Variants in PLXNA4 observed in about 807,000 individuals in gnomAD.
PLXNA4 encodes the protein plexin-A4.
Under a neutral mutation model 191.8 loss-of-function variants are expected in PLXNA4, and 44 were observed. The ratio of observed to expected loss-of-function variants is 0.23; its 90% CI spans 0.18 to 0.29. The LOEUF (loss-of-function observed/expected upper bound fraction) is 0.29. Ranked by LOEUF, PLXNA4 falls within the 10% of genes least tolerant of loss-of-function variation. The pLI is 1.00. For synonymous variants in PLXNA4, 1,082 were observed against 1,009.5 expected (o/e 1.07, Z -1.36); for missense variants, 1,800 against 2,488.8 (o/e 0.72, Z 5.89).
At chr7:132,380,656 T>C (rs1295925320) in intron 3 of PLXNA4, among the ~76,000 whole-genome samples, 2 of 152,036 alleles carry the variant, frequency 1.3e-5, no homozygotes, top group Admixed American at 1.3e-4. Context: ...ATTTAAAGTA[T>C]CAGGAGCAGG....
At chr7:132,562,895 T>C (rs1174098073) in intron 1 of PLXNA4, among the ~76,000 whole-genome samples, 128 of 23,602 alleles carry the variant, frequency 5.4e-3, no homozygotes, top group Non-Finnish European at 6.5e-3. Context: ...TCTGCCTCCT[T>C]CTCCCCCTCC....
chr7:132,589,191 G>A (rs1802561430), intron 2 of PLXNA4, among the ~76,000 whole-genome samples: 1 of 152,064 alleles, frequency 6.6e-6, no homozygotes, highest in Non-Finnish European at 1.5e-5. Context: ...GGTGAGTAGG[G>A]GACAAAACGG....
intron 13 of PLXNA4, among the ~76,000 whole-genome samples, chr7:132,198,115 G>C (rs1466444131): frequency 6.6e-6 from 1 of 152,196 alleles, no homozygotes; most frequent in African/African-American, 2.4e-5. Flanking sequence ...AGTAGCACAG[G>C]ATCAGTGCTG....
intron 1 of PLXNA4, among the ~76,000 whole-genome samples, chr7:132,549,916 TAG>T (rs1800483380): frequency 6.6e-6 from 1 of 151,610 alleles, no homozygotes; most frequent in Non-Finnish European, 1.5e-5. Flanking sequence ...TAGAGAGAGG[TAG>T]AGTTATAGTT....
chr7:132,528,447 G>A (rs1304859802), intron 1 of PLXNA4, among the ~76,000 whole-genome samples: 2 of 152,172 alleles, frequency 1.3e-5, no homozygotes, highest in Non-Finnish European at 1.5e-5. Flanking sequence ...AGCCATGATT[G>A]GAATAAGCCA....
At chr7:132,347,894 C>A (rs771831479) in intron 3 of PLXNA4, among the ~76,000 whole-genome samples, 7 of 152,184 alleles carry the variant, frequency 4.6e-5, no homozygotes, top group African/African-American at 1.2e-4. Context: ...CCAGCGTGTT[C>A]ATTGTAACCA....
At chr7:132,267,326 A>G (rs574044949) in intron 4 of PLXNA4, among the ~76,000 whole-genome samples, 20 of 152,326 alleles carry the variant, frequency 1.3e-4, no homozygotes, top group African/African-American at 4.6e-4. Flanking sequence ...TCTCTAGTCA[A>G]CAACCATTTC....
At chr7:132,438,887 A>G (rs1167973247) in intron 3 of PLXNA4, among the ~76,000 whole-genome samples, 1 of 152,222 alleles carries the variant, frequency 6.6e-6, no homozygotes, top group Non-Finnish European at 1.5e-5. Context: ...ACAGTAAGTC[A>G]TCGATGGACT....
intron 3 of PLXNA4, among the ~76,000 whole-genome samples, chr7:132,458,077 T>C (rs754368202): frequency 2.0e-5 from 3 of 152,288 alleles, no homozygotes; most frequent in Non-Finnish European, 4.4e-5. Flanking sequence ...TCATTTAGAA[T>C]AGTGGGCACT....
intron 3 of PLXNA4, among the ~76,000 whole-genome samples, chr7:132,376,852 T>C (rs894570906): frequency 2.6e-5 from 4 of 152,196 alleles, no homozygotes; most frequent in African/African-American, 9.6e-5. Context: ...CTTGATCCTC[T>C]CTGTCTTCCC....
At chr7:132,193,539 T>C (rs1049982708) in intron 14 of PLXNA4, among the ~76,000 whole-genome samples, 3 of 152,220 alleles carry the variant, frequency 2.0e-5, no homozygotes, top group Non-Finnish European at 4.4e-5. Flanking sequence ...GAAGCAATGG[T>C]GGCAACCACA....
intron 25 of PLXNA4, among the ~76,000 whole-genome samples, chr7:132,156,022 C>T (rs955332271): frequency 6.6e-6 from 1 of 152,032 alleles, no homozygotes; most frequent in Non-Finnish European, 1.5e-5. Context: ...ATGTTGCCTC[C>T]TCCCTGGGTC....
chr7:132,322,651 G>A (rs1444479605), intron 3 of PLXNA4, among the ~76,000 whole-genome samples: 4 of 152,176 alleles, frequency 2.6e-5, no homozygotes, highest in Non-Finnish European at 5.9e-5. Context: ...AAAGCACCTG[G>A]CCACATAGGT....
chr7:132,135,397 T>C (rs181176598), intron 30 of PLXNA4, among the ~76,000 whole-genome samples: 89 of 152,298 alleles, frequency 5.8e-4, no homozygotes, highest in African/African-American at 2.0e-3. Context: ...CAAAGACTCC[T>C]GTAATTTCTC....
intron 3 of PLXNA4, among the ~76,000 whole-genome samples, chr7:132,301,838 CTG>C (rs1801317059): frequency 6.6e-6 from 1 of 152,178 alleles, no homozygotes; most frequent in Non-Finnish European, 1.5e-5. Flanking sequence ...TTAAATAACA[CTG>C]TCTCAGCTGA....
intron 2 of PLXNA4, among the ~76,000 whole-genome samples, chr7:132,502,737 C>G (rs1041985269): frequency 1.3e-5 from 2 of 152,168 alleles, no homozygotes; most frequent in Non-Finnish European, 2.9e-5. Context: ...TTGTGTTCCT[C>G]CATTCCCTCA....
chr7:132,508,040 G>A lies in PLXNA4; in HGVS notation c.654C>T (p.Phe218=). 6.2e-7 allele frequency: 1 copy of A among 1,614,232 alleles called. No homozygotes were observed. Among genetic ancestry groups the A allele is most frequent in the African/African-American group, 1.3e-5 (1 of 75,054 alleles). The change falls in exon 2 of 32, where the codon TTC becomes TTT. Residue 218 remains phenylalanine, a synonymous_variant. Coordinates refer to ENST00000321063, the MANE Select transcript of PLXNA4 (RefSeq NM_020911.2). This position sits in a 1 kb window ranked among gnomAD's most constrained non-coding sequence, Gnocchi z 4.4. The part of the protein sequence containing the change: ...SEADGMFAYV[F]HDEFVASMIK... ...TCATCGAGGCCACGAACTCATCATGGAAGACGTACGCGAACATGCCATCCG... is the reference window on the plus strand; with the variant it reads ...TCATCGAGGCCACGAACTCATCATGAAAGACGTACGCGAACATGCCATCCG...
At chr7:132,322,355 G>A (rs191243401) in intron 3 of PLXNA4, among the ~76,000 whole-genome samples, 1 of 152,144 alleles carries the variant, frequency 6.6e-6, no homozygotes, top group East Asian at 1.9e-4. Context: ...CTAATTTTTT[G>A]TATTTTTGGT....
chr7:132,244,002 T>A lies in PLXNA4; in HGVS notation c.1504-2836A>T, dbSNP rs183729969. Among the ~76,000 whole-genome samples the A allele has an allele frequency of 2.5e-4, 38 of 152,284 alleles. No homozygotes were observed. In the East Asian group the frequency reaches 6.8e-3, roughly 27 times the overall value. Reference sequence around the variant, plus strand: ...ACACTTTGGATGAAACCTGGAGTTATCTCATTTCCAGGACTTATTCACTAT... The same window carrying A: ...ACACTTTGGATGAAACCTGGAGTTAACTCATTTCCAGGACTTATTCACTAT... On this transcript the variant is annotated intron_variant, in intron 4 of 31. Transcript: ENST00000321063.
Sources: allele counts gnomAD v4.1 joint callset (sites outside exome capture counted in the v4.1 genomes callset), GRCh38; gene constraint gnomAD v4.1.1; non-coding constraint Gnocchi (gnomAD v3.1); transcripts MANE v1.5; gene names NCBI Gene and HGNC (gene_info 2026-07-23, HGNC 2026-07-21).